TFDP1: variants seen among roughly 807,000 people sequenced by gnomAD.
The protein encoded by TFDP1 is DRTF1-polypeptide 1.
Under a neutral mutation model 48.0 loss-of-function variants are expected in TFDP1, and 6 were observed. The observed-to-expected ratio is 0.13, with a 90% confidence interval of 0.07 to 0.25. TFDP1 has a LOEUF of 0.25. Among genes scored for constraint, TFDP1 ranks in the 10% least tolerant of loss-of-function variants. The pLI is 1.00. For missense variants in TFDP1, 335 were observed against 543.0 expected, an observed-to-expected ratio of 0.62 and a Z score of 3.81; for synonymous variants, 201 against 211.6, an observed-to-expected ratio of 0.95 and a Z score of 0.44.
intron 7 of TFDP1, 115 bp from the exon 8 acceptor site, chr13:113,634,419 G>A (rs1221655683): frequency 2.1e-5 from 19 of 891,938 alleles, no homozygotes; most frequent in Non-Finnish European, 2.9e-5. Context: ...ATATCCCTTC[G>A]ATTACATTCT....
chr13:113,634,178 C>T (rs758333109), intron 7 of TFDP1, 145 bp downstream of exon 7: 9 of 1,163,332 alleles, frequency 7.7e-6, no homozygotes, highest in South Asian at 5.1e-5. Flanking sequence ...CGTCTCCCTG[C>T]GTTTCTCAGT....
chr13:113,619,481 C>CAAAAA (rs1162300447), intron 3 of TFDP1, among the ~76,000 whole-genome samples: 7 of 110,490 alleles, frequency 6.3e-5, no homozygotes, highest in African/African-American at 9.8e-5. Flanking sequence ...AAAAAAAAAA[C>CAAAAA]AAAAAAAAAA....
chr13:113,614,459 G>A (rs888092042), intron 3 of TFDP1, among the ~76,000 whole-genome samples: 3 of 152,166 alleles, frequency 2.0e-5, no homozygotes, highest in African/African-American at 7.2e-5. Flanking sequence ...GCCTTCCTCC[G>A]TTTGTGCCCT....
chr13:113,599,868 T>C (rs2048369111), intron 2 of TFDP1, among the ~76,000 whole-genome samples: 1 of 145,376 alleles, frequency 6.9e-6, no homozygotes, highest in Admixed American at 6.9e-5. Context: ...AAGAGAACCC[T>C]TGTGCTTAGG....
intron 3 of TFDP1, among the ~76,000 whole-genome samples, chr13:113,620,985 T>C (rs189892966): frequency 6.6e-6 from 1 of 152,372 alleles, no homozygotes; most frequent in East Asian, 1.9e-4. Flanking sequence ...AGTGTCCTTA[T>C]GTAGCACAAA....
chr13:113,637,043 T>C, intron 10 of TFDP1: 1 of 223,570 alleles, frequency 4.5e-6, no homozygotes, highest in Admixed American at 5.2e-5. Flanking sequence ...GCAGTTGGAT[T>C]GCTGATCCCA....
chr13:113,628,385 G>A (rs1366605467), intron 4 of TFDP1, among the ~76,000 whole-genome samples: 1 of 152,252 alleles, frequency 6.6e-6, no homozygotes, highest in African/African-American at 2.4e-5. Context: ...GAGCACAGTA[G>A]GAAGGGAGAC....
At chr13:113,590,700 G>A (rs2048117983) in intron 2 of TFDP1, among the ~76,000 whole-genome samples, 1 of 152,024 alleles carries the variant, frequency 6.6e-6, no homozygotes, top group Non-Finnish European at 1.5e-5. Context: ...ACTCTGAAGG[G>A]ATATTAAAAA....
chr13:113,600,297 C>A (rs1176423957), intron 2 of TFDP1, among the ~76,000 whole-genome samples: 1 of 138,262 alleles, frequency 7.2e-6, no homozygotes, highest in African/African-American at 2.7e-5. Flanking sequence ...AACTCAGGAC[C>A]GTGAGAGAGA....
chr13:113,637,658 G>C lies in TFDP1; in HGVS notation c.1007-160G>C, dbSNP rs769181368. On this transcript the variant is annotated intron_variant, in intron 10 of 11. Coordinates refer to ENST00000375370, the MANE Select transcript of TFDP1 (RefSeq NM_007111.5). ...ATGTGACTGCACAGCGGGATGTCCT[G>C]CTCCGTGGCGCAGTGTGGAAAATAC... 6.5e-6 allele frequency: 10 copies of C among 1,540,586 alleles called. No individual in the cohort carries two copies. In the South Asian group the frequency reaches 1.2e-4, roughly 18 times the overall value.
At chr13:113,617,047 A>G (rs1457075891) in intron 3 of TFDP1, among the ~76,000 whole-genome samples, 1 of 152,102 alleles carries the variant, frequency 6.6e-6, no homozygotes, top group Non-Finnish European at 1.5e-5. Context: ...GTGTGTTTGT[A>G]TAGAGAGGTT....
At chr13:113,601,576 G>A (rs2048427928) in intron 2 of TFDP1, among the ~76,000 whole-genome samples, 3 of 152,230 alleles carry the variant, frequency 2.0e-5, no homozygotes, top group Admixed American at 2.0e-4. Context: ...GGAAGGGATG[G>A]CTAGGGCCAC....
At chr13:113,584,691 G>A (rs2047948594), upstream of TFDP1, 1 of 147,712 alleles carries the variant, frequency 6.8e-6, no homozygotes. Context: ...CCACGTCACC[G>A]CGCCGCGCGC....
chr13:113,610,848 G>C, intron 2 of TFDP1, 148 bp from the exon 3 acceptor site: 1 of 716,224 alleles, frequency 1.4e-6, no homozygotes, highest in Non-Finnish European at 2.4e-6. Flanking sequence ...GCGTTCTCCT[G>C]GTTGTTCCTG....
chr13:113,630,155 G>GCGCACACA (rs148374173), intron 4 of TFDP1, among the ~76,000 whole-genome samples: 3 of 149,110 alleles, frequency 2.0e-5, no homozygotes, highest in African/African-American at 7.4e-5. Context: ...TGCCCCAGCA[G>GCGCACACA]CACACACACA....
At chr13:113,629,108 G>A (rs1386731757) in intron 4 of TFDP1, among the ~76,000 whole-genome samples, 1 of 152,254 alleles carries the variant, frequency 6.6e-6, no homozygotes, top group Non-Finnish European at 1.5e-5. Context: ...AGCAGGTGAT[G>A]GGTGAGGAGC....
In TFDP1 at chr13:113,636,150, G is replaced by GT. The variant is rs567929231; in HGVS notation, c.839+24dup. On this transcript the variant is annotated intron_variant, in intron 9 of 11. Transcript: ENST00000375370. ...ACAAGTAGGTTGTGGGCGGGGAGCTGTTCCCTGGTCACCCATCTCTTTTTT... is the reference window on the plus strand; with the variant it reads ...ACAAGTAGGTTGTGGGCGGGGAGCTGTTTCCCTGGTCACCCATCTCTTTTTT... 288 of 1,612,442 alleles carry GT rather than the reference G, an allele frequency of 1.8e-4. 5 individuals are homozygous for GT. The South Asian group carries it at 2.9e-3, about 16-fold the overall frequency.
At chr13:113,594,120 C>T (rs369537942) in intron 2 of TFDP1, among the ~76,000 whole-genome samples, 1 of 136,480 alleles carries the variant, frequency 7.3e-6, no homozygotes, top group Non-Finnish European at 1.5e-5. Flanking sequence ...GTCCTCAGCC[C>T]TGCCCAGGTG....
At position 113,634,517 on chromosome 13, in the gene TFDP1, G is replaced by A. The variant is rs2049421436; in HGVS notation, c.619-17G>A. 3.7e-6 allele frequency: 6 copies of A among 1,609,896 alleles called. No individual in the cohort carries two copies. The South Asian group carries it at 4.4e-5, about 12-fold the overall frequency. On this transcript the variant is annotated splice_polypyrimidine_tract_variant and intron_variant, in intron 7 of 11. Coordinates refer to ENST00000375370, the MANE Select transcript of TFDP1 (RefSeq NM_007111.5). ...ACAGTTGTGATGATTCTTCACATGG[G>A]TGGTTTGTTTTTGAAGGTGGAAAGA...
Sources: gnomAD v4.1 joint callset for allele counts (sites outside exome capture counted in the v4.1 genomes callset) on GRCh38, gnomAD v4.1.1 for gene constraint, MANE v1.5 for transcripts, NCBI Gene and HGNC (gene_info 2026-07-23, HGNC 2026-07-21) for gene names.